Variants in INPP5D observed in about 807,000 individuals in gnomAD.
INPP5D encodes the protein inositol polyphosphate-5-phosphatase D.
INPP5D carries 33 observed loss-of-function variants against 122.9 expected under a neutral mutation model. The ratio of observed to expected loss-of-function variants is 0.27; its 90% CI spans 0.20 to 0.36. INPP5D has a LOEUF of 0.36. Ranked by LOEUF, INPP5D falls within the 10% of genes least tolerant of loss-of-function variation. The pLI is 1.00. For missense variants in INPP5D, 1,053 were observed against 1,412.7 expected, an observed-to-expected ratio of 0.75 and a Z score of 4.08; for synonymous variants, 584 against 576.2, an observed-to-expected ratio of 1.01 and a Z score of -0.19.
chr2:233,131,211 A>C, intron 5 of INPP5D: 15 of 723,376 alleles, frequency 2.1e-5, no homozygotes, highest in Non-Finnish European at 2.5e-5. Context: ...TACATTTTAA[A>C]ATTTAATTGA....
chr2:233,079,462 G>A, intron 2 of INPP5D, 64 bp downstream of exon 2: 2 of 1,069,452 alleles, frequency 1.9e-6, no homozygotes, highest in Non-Finnish European at 2.9e-6. Flanking sequence ...GAGAAAGGGT[G>A]TAAACGATGA....
intron 2 of INPP5D, among the ~76,000 whole-genome samples, chr2:233,087,895 C>T (rs566721336): frequency 1.1e-4 from 16 of 152,268 alleles, no homozygotes; most frequent in South Asian, 8.3e-4. Context: ...CCTCTGCATT[C>T]GAGACGGGTT....
At position 233,170,579 on chromosome 2, in the gene INPP5D, G is replaced by A. The variant is rs768993106; in HGVS notation, c.1875G>A (p.Arg625=). The change falls in exon 16 of 27, where the codon AGG becomes AGA. Residue 625 remains arginine (R), a synonymous_variant. Transcript: ENST00000445964. This position sits in a 1 kb window ranked among gnomAD's most constrained non-coding sequence, Gnocchi z 4.5. ...ACGACCAGCTGCTCACAGAGAGGAG[G>A]GAGCAGAAGGTCTTCCTACACTTCG... ...LSHDQLLTER[R]EQKVFLHFEE... is the part of the protein sequence containing the mutation. The A allele has an allele frequency of 1.1e-5, 17 of 1,613,512 alleles. No individual in the cohort carries two copies. Among genetic ancestry groups the A allele is most frequent in the African/African-American group, 6.7e-5 (5 of 74,996 alleles).
At chr2:233,131,208 T>G (rs1693316495) in intron 5 of INPP5D, 1 of 743,664 alleles carries the variant, frequency 1.3e-6, no homozygotes, top group African/African-American at 1.9e-5. Flanking sequence ...TTTTACATTT[T>G]AAAATTTAAT....
chr2:233,205,611 C>G (rs1457829526), intron 26 of INPP5D: 1 of 151,926 alleles, frequency 6.6e-6, no homozygotes, highest in Admixed American at 6.6e-5. Context: ...ATCTGCCTGC[C>G]TGGGCCTCCC....
intron 2 of INPP5D, among the ~76,000 whole-genome samples, chr2:233,084,801 A>G (rs1691789439): frequency 6.6e-6 from 1 of 152,252 alleles, no homozygotes; most frequent in African/African-American, 2.4e-5. Flanking sequence ...TAGCACGGCC[A>G]GGGCTGCCCT....
chr2:233,105,925 T>A lies in INPP5D; in HGVS notation c.199-16182T>A, dbSNP rs1574730471. ...TGAAGGGACAGTGGCCACTGGGAGG[T>A]CAGAGAGCAGTCGCTATGGGAATGA... On this transcript the variant is annotated intron_variant, in intron 2 of 26. Coordinates refer to ENST00000445964, the MANE Select transcript of INPP5D (RefSeq NM_001017915.3). This position sits in a 1 kb window ranked among gnomAD's most constrained non-coding sequence, Gnocchi z 4.0. 6.6e-6 allele frequency among the ~76,000 whole-genome samples: 1 copy of A among 151,838 alleles called. No individual in the cohort carries two copies. Among genetic ancestry groups the A allele is most frequent in the African/African-American group, 2.4e-5 (1 of 41,298 alleles).
rs1430598127 is a variant in INPP5D, at chr2:233,137,859, T to A, written c.666-1983T>A. Among the ~76,000 whole-genome samples the A allele has an allele frequency of 1.8e-3, 43 of 24,272 alleles. 3 individuals are homozygous for A. The highest frequency in any genetic ancestry group is 4.5e-3 in the Admixed American group (6 of 1,320). The allele number at this position is 24,272 out of a possible 152,430, so 15.9% of individuals were successfully genotyped here. A position where few individuals can be genotyped will look rare whatever the true frequency, so the allele number is the denominator to read the frequency against. On this transcript the variant is annotated intron_variant, in intron 5 of 26. Transcript: ENST00000445964. ...AAAAAAAAAAAAAAAAAAAAATATATATATATATATATATATATATATATA... is the reference window on the plus strand; with the variant it reads ...AAAAAAAAAAAAAAAAAAAAATATAAATATATATATATATATATATATATA...
intron 14 of INPP5D, 182 bp from the exon 15 acceptor site, chr2:233,169,844 A>G (rs1694444707): frequency 2.5e-6 from 3 of 1,181,968 alleles, no homozygotes; most frequent in Non-Finnish European, 3.6e-6. Context: ...TGCCCTTTGC[A>G]TCCTGGCTGT....
Position 233,183,378 on chromosome 2 carries a change from T to G in INPP5D, c.2161+879T>G, listed in dbSNP as rs1248898185. The stretch of plus-strand genomic sequence containing the variant: ...GAAGCACTGTCTTCCTGGGGTGCTC[T>G]TATCTATCCTATTGTATCTAACATC... On this transcript the variant is annotated intron_variant, in intron 19 of 26. Coordinates refer to ENST00000445964, the MANE Select transcript of INPP5D (RefSeq NM_001017915.3). This position sits in a 1 kb window ranked among gnomAD's most constrained non-coding sequence, Gnocchi z 4.6. Among the ~76,000 whole-genome samples the G allele has an allele frequency of 6.6e-6, 1 of 152,192 alleles. No individual in the cohort carries two copies. Among genetic ancestry groups the G allele is most frequent in the Non-Finnish European group, 1.5e-5 (1 of 68,032 alleles).
chr2:233,188,168 T>C lies in INPP5D; in HGVS notation c.2359-1682T>C, dbSNP rs75961839. 0.1 allele frequency among the ~76,000 whole-genome samples: 15,300 copies of C among 151,978 alleles called. 1,216 individuals carry two copies. Among genetic ancestry groups the C allele is most frequent in the East Asian group, 0.38 (1,945 of 5,112 alleles). ...TTTATCCGGTCGACTCCCTGTTGCC[T>C]AGTGAGGCAAGCAGCCTCATCTGCT... is the stretch of plus-strand genomic sequence containing the variant. On this transcript the variant is annotated intron_variant, in intron 21 of 26. Coordinates refer to ENST00000445964, the MANE Select transcript of INPP5D (RefSeq NM_001017915.3). This position sits in a 1 kb window ranked among gnomAD's most constrained non-coding sequence, Gnocchi z 4.7.
intron 2 of INPP5D, among the ~76,000 whole-genome samples, chr2:233,114,357 G>C (rs1009984787): frequency 5.3e-5 from 8 of 152,208 alleles, no homozygotes; most frequent in African/African-American, 1.9e-4. Context: ...GTGGTTAAAG[G>C]TTGAGACCAT....
intron 24 of INPP5D, 30 bp from the exon 25 acceptor site, chr2:233,198,065 C>T: frequency 6.5e-7 from 1 of 1,539,716 alleles, no homozygotes; most frequent in East Asian, 2.3e-5. Flanking sequence ...GAAGGGACCC[C>T]TGAGATGTGA....
chr2:233,077,448 G>A (rs1178752411), intron 1 of INPP5D, among the ~76,000 whole-genome samples: 1 of 152,012 alleles, frequency 6.6e-6, no homozygotes, highest in Non-Finnish European at 1.5e-5. Context: ...ATCACCTGAG[G>A]TCAGGAGTCG....
intron 2 of INPP5D, among the ~76,000 whole-genome samples, chr2:233,087,001 G>GTT (rs1691869847): frequency 6.6e-6 from 1 of 151,984 alleles, no homozygotes; most frequent in African/African-American, 2.4e-5. Flanking sequence ...CTCTAACCCT[G>GTT]ACCAGAAAAA....
In INPP5D at chr2:233,132,720, C is replaced by T. The variant is rs188617848; in HGVS notation, c.665+2072C>T. Among the ~76,000 whole-genome samples the T allele has an allele frequency of 2.6e-3, 391 of 152,224 alleles. 2 individuals carry two copies. The highest frequency in any genetic ancestry group is 8.9e-3 in the African/African-American group (370 of 41,532). ...TGATTAGAATAGGTCTTCATTCATT[C>T]GTTCATCGAACAAACATGTATTGGA... is the stretch of plus-strand genomic sequence containing the variant. On this transcript the variant is annotated intron_variant, in intron 5 of 26. Coordinates refer to ENST00000445964, the MANE Select transcript of INPP5D (RefSeq NM_001017915.3).
intron 5 of INPP5D, among the ~76,000 whole-genome samples, chr2:233,139,003 C>T (rs181340802): frequency 0.034 from 5,112 of 152,006 alleles, 167 homozygotes; most frequent in East Asian, 0.18. Flanking sequence ...ATCCGCCTGC[C>T]TCAGCCTCCT....
At chr2:233,169,791 G>T in intron 14 of INPP5D, 1 of 666,444 alleles carries the variant, frequency 1.5e-6, no homozygotes, top group Non-Finnish European at 2.5e-6. Context: ...AGATGCTGCT[G>T]CTCCTGGTCC....
chr2:233,084,531 A>G (rs1023967588), intron 2 of INPP5D, among the ~76,000 whole-genome samples: 1 of 152,242 alleles, frequency 6.6e-6, no homozygotes, highest in Non-Finnish European at 1.5e-5. Context: ...GGTGGCTGTC[A>G]CGTATCTCCG....
Sources: allele counts gnomAD v4.1 joint callset (sites outside exome capture counted in the v4.1 genomes callset), GRCh38; gene constraint gnomAD v4.1.1; non-coding constraint Gnocchi (gnomAD v3.1); transcripts MANE v1.5; gene names NCBI Gene and HGNC (gene_info 2026-07-23, HGNC 2026-07-21).